ZCCHC2: variants seen among roughly 807,000 people sequenced by gnomAD.
ZCCHC2 encodes zinc finger CCHC-type containing 2.
In ZCCHC2, 39 loss-of-function variants were observed where a neutral mutation model predicts 103.6. The observed-to-expected ratio is 0.38, with a 90% CI of 0.29 to 0.49. The LOEUF (loss-of-function observed/expected upper bound fraction) is 0.49. ZCCHC2 is among the 20% of genes least tolerant of loss of function. The pLI, the probability that ZCCHC2 is intolerant of heterozygous loss-of-function variation, is 0.96. For missense variants in ZCCHC2, 1,483 were observed against 1,491.0 expected, an observed-to-expected ratio of 0.99 and a Z score of 0.09; for synonymous variants, 687 against 608.9, an observed-to-expected ratio of 1.13 and a Z score of -1.89.
chr18:62,549,070 T>G (rs1395998656), intron 4 of ZCCHC2, among the ~76,000 whole-genome samples: 2 of 151,410 alleles, frequency 1.3e-5, no homozygotes, highest in African/African-American at 2.4e-5. Flanking sequence ...ATACAAAAAA[T>G]TAGCTGGGGG....
At chr18:62,575,823 G>T (rs1402157004) in intron 13 of ZCCHC2, among the ~76,000 whole-genome samples, 1 of 151,908 alleles carries the variant, frequency 6.6e-6, no homozygotes, top group East Asian at 1.9e-4. Context: ...TTTGCATTCT[G>T]TAATGTTAAA....
At chr18:62,582,060 A>G (rs1428095559), downstream of ZCCHC2, among the ~76,000 whole-genome samples, 1 of 152,246 alleles carries the variant, frequency 6.6e-6, no homozygotes, top group Non-Finnish European at 1.5e-5. Context: ...GAAAATTATA[A>G]AAGAGTTTCA....
chr18:62,569,257 C>G (rs1414693503), intron 11 of ZCCHC2, among the ~76,000 whole-genome samples: 1 of 152,202 alleles, frequency 6.6e-6, no homozygotes, highest in South Asian at 2.1e-4. Context: ...GCTCATTATA[C>G]AAATTGTGCC....
Position 62,550,434 on chromosome 18 carries a change from A to T in ZCCHC2, c.1287A>T (p.Arg429=), listed in dbSNP as rs746929519. 2 of 1,613,620 alleles carry T rather than the reference A, an allele frequency of 1.2e-6. No individual in the cohort carries two copies. Among genetic ancestry groups the T allele is most frequent in the Non-Finnish European group, 1.7e-6 (2 of 1,179,750 alleles). Reference sequence around the variant, plus strand: ...GTTCCTTGAAAAGGGAGGAACGGCGACATCCTGACCTAGAGCCCATCCTAA... The same window carrying T: ...GTTCCTTGAAAAGGGAGGAACGGCGTCATCCTGACCTAGAGCCCATCCTAA... ...NQGSLKREER[R]HPDLEPILRQ... The change falls in exon 5 of 14, where the codon CGA becomes CGT. Residue 429 remains arginine, a synonymous_variant. Coordinates refer to ENST00000269499, the MANE Select transcript of ZCCHC2 (RefSeq NM_017742.6).
chr18:62,562,150 C>T (rs1409010126), intron 8 of ZCCHC2, among the ~76,000 whole-genome samples: 4 of 152,098 alleles, frequency 2.6e-5, no homozygotes, highest in Admixed American at 2.0e-4. Context: ...GCACCCGCCA[C>T]CATGCCTGGC....
intron 1 of ZCCHC2, among the ~76,000 whole-genome samples, chr18:62,537,899 T>G (rs886683216): frequency 1.3e-5 from 2 of 152,226 alleles, no homozygotes. Context: ...ACCATCAATG[T>G]GTAAGGGTTC....
intron 5 of ZCCHC2, among the ~76,000 whole-genome samples, chr18:62,554,561 G>A (rs995544126): frequency 6.6e-6 from 1 of 151,978 alleles, no homozygotes; most frequent in Non-Finnish European, 1.5e-5. Flanking sequence ...TTCAGTCCCC[G>A]CCTTTATCTC....
intron 11 of ZCCHC2, 74 bp downstream of exon 11, chr18:62,565,170 T>C: frequency 8.4e-7 from 1 of 1,184,994 alleles, no homozygotes. Flanking sequence ...TATTAATAGA[T>C]ACTGAGCTGT....
chr18:62,532,133 G>A (rs773944799), intron 1 of ZCCHC2, among the ~76,000 whole-genome samples: 1 of 152,226 alleles, frequency 6.6e-6, no homozygotes, highest in Admixed American at 6.5e-5. Context: ...GCGCGCGCGC[G>A]CACGTGCGCC....
chr18:62,584,835 G>C (rs1015713613), exon 15 of ZCCHC2: 1 of 152,310 alleles, frequency 6.6e-6, no homozygotes, highest in East Asian at 1.9e-4. Context: ...GTGAGACGAA[G>C]TGCTGCAGAC....
chr18:62,561,137 TG>T (rs1916097941), intron 8 of ZCCHC2, among the ~76,000 whole-genome samples: 1 of 152,228 alleles, frequency 6.6e-6, no homozygotes, highest in Admixed American at 6.5e-5. Flanking sequence ...CATCCACCTA[TG>T]ATCATTTTCC....
At chr18:62,545,290 A>G (rs1006349808) in intron 4 of ZCCHC2, among the ~76,000 whole-genome samples, 4 of 151,994 alleles carry the variant, frequency 2.6e-5, no homozygotes, top group Non-Finnish European at 4.4e-5. Flanking sequence ...GGCTGCTTGC[A>G]AAGGGACTTC....
rs906929695 is a variant in ZCCHC2, at chr18:62,546,580, G to C, written c.1200+1707G>C. Among the ~76,000 whole-genome samples, 30 of 152,288 alleles carry C rather than the reference G, an allele frequency of 2.0e-4. 3 individuals carry two copies. The highest frequency in any genetic ancestry group is 1.0e-3 in the Admixed American group (16 of 15,304). On this transcript the variant is annotated intron_variant, in intron 4 of 13. Coordinates refer to ENST00000269499, the MANE Select transcript of ZCCHC2 (RefSeq NM_017742.6). ...AGCTGAGGCTGAAAAGCCTTGAAAA[G>C]GGGGGTTCAGACCAAGTGACTTGGT...
intron 4 of ZCCHC2, 79 bp downstream of exon 4, chr18:62,544,952 A>G (rs1214228620): frequency 1.7e-6 from 2 of 1,172,742 alleles, no homozygotes; most frequent in Non-Finnish European, 2.3e-6. Flanking sequence ...AAAAAACACC[A>G]GGAAAATTAA....
intron 5 of ZCCHC2, among the ~76,000 whole-genome samples, chr18:62,555,225 T>C (rs1476347619): frequency 1.3e-5 from 2 of 152,168 alleles, no homozygotes; most frequent in Non-Finnish European, 2.9e-5. Context: ...TAGATTCTGC[T>C]CTAATTCTTT....
At chr18:62,542,343 T>C (rs996837246) in intron 2 of ZCCHC2, among the ~76,000 whole-genome samples, 155 bp from the exon 3 acceptor site, 1 of 152,132 alleles carries the variant, frequency 6.6e-6, no homozygotes. Flanking sequence ...TTTTTTGTCT[T>C]CTTTTTTTTT....
At chr18:62,583,104 T>G (rs1344024790), downstream of ZCCHC2, among the ~76,000 whole-genome samples, 4 of 152,000 alleles carry the variant, frequency 2.6e-5, no homozygotes, top group Non-Finnish European at 1.5e-5. Flanking sequence ...ACCGTGTCTT[T>G]TTTTTTTAAT....
chr18:62,543,266 G>A (rs1470593069), intron 3 of ZCCHC2, among the ~76,000 whole-genome samples: 5 of 152,042 alleles, frequency 3.3e-5, no homozygotes, highest in African/African-American at 9.7e-5. Flanking sequence ...CCTCTCTCAT[G>A]GAGTTATTTC....
At chr18:62,550,560 C>A in intron 5 of ZCCHC2, 100 bp downstream of exon 5, 3 of 807,766 alleles carry the variant, frequency 3.7e-6, no homozygotes, top group Non-Finnish European at 6.0e-6. Context: ...GATCCTTTCT[C>A]TGGCGTACTT....
Sources: gnomAD v4.1 joint callset for allele counts (sites outside exome capture counted in the v4.1 genomes callset) on GRCh38, gnomAD v4.1.1 for gene constraint, MANE v1.5 for transcripts, NCBI Gene and HGNC (gene_info 2026-07-23, HGNC 2026-07-21) for gene names.